KAZN: variants seen among roughly 807,000 people sequenced by gnomAD.
The protein encoded by KAZN is kazrin.
KAZN carries 40 observed loss-of-function variants against 87.4 expected under a neutral mutation model. The observed-to-expected ratio is 0.46, with a 90% CI of 0.36 to 0.60. The LOEUF (loss-of-function observed/expected upper bound fraction) is 0.60, where lower values mean the gene tolerates loss of function less well. KAZN is among the 20% of genes least tolerant of loss of function. The pLI, the probability that KAZN is intolerant of heterozygous loss-of-function variation, is 0.00. For missense variants in KAZN, 898 were observed against 1,073.9 expected (o/e 0.84, Z 2.29); for synonymous variants, 466 against 458.3 (o/e 1.02, Z -0.22).
intron 1 of KAZN, among the ~76,000 whole-genome samples, chr1:14,734,390 G>A (rs146612226): frequency 2.7e-3 from 393 of 147,576 alleles, no homozygotes; most frequent in African/African-American, 9.0e-3. Flanking sequence ...TGCAACCTCC[G>A]CTTCCCGGGT....
Position 13,995,219 on chromosome 1 carries a change from C to CAAAAAAAAAAAAAAA in KAZN, c.91+101465_91+101479dup, listed in dbSNP as rs113600200. Among the ~76,000 whole-genome samples the CAAAAAAAAAAAAAAA allele has an allele frequency of 7.4e-3, 795 of 106,880 alleles. 16 individuals are homozygous for CAAAAAAAAAAAAAAA. Among genetic ancestry groups the CAAAAAAAAAAAAAAA allele is most frequent in the Middle Eastern group, 0.018 (3 of 166 alleles). The allele number at this position is 106,880 out of a possible 152,430, so 70.1% of individuals were successfully genotyped here. A position where few individuals can be genotyped will look rare whatever the true frequency, so the allele number is the denominator to read the frequency against. On this transcript the variant is annotated intron_variant, in intron 1 of 16. Transcript: ENST00000636203. ...GGAAGTCTTAGACAGTGCAATAAGG[C>CAAAAAAAAAAAAAAA]AAAAAAAAAAAAAAAATCCTAATGA...
Position 14,069,340 on chromosome 1 carries a change from A to T in KAZN, c.92-111095A>T, listed in dbSNP as rs537663650. ...TCCACGTGAAAAGTGCTCATTCTGGAATGACACCTTCTACACAACCGCGAT... is the reference window on the plus strand; with the variant it reads ...TCCACGTGAAAAGTGCTCATTCTGGTATGACACCTTCTACACAACCGCGAT... On this transcript the variant is annotated intron_variant, in intron 1 of 16. Coordinates refer to the KAZN transcript ENST00000636203. 3.0e-4 allele frequency among the ~76,000 whole-genome samples: 45 copies of T among 152,286 alleles called. No homozygotes were observed. The South Asian group carries it at 3.7e-3, about 13-fold the overall frequency.
At chr1:14,781,693 CG>C (rs1444970364) in intron 1 of KAZN, among the ~76,000 whole-genome samples, 1 of 151,948 alleles carries the variant, frequency 6.6e-6, no homozygotes, top group Non-Finnish European at 1.5e-5. Context: ...ATCAAGAGGC[CG>C]GGGGCAGTGG....
At chr1:14,427,743 C>T (rs1014390646) in intron 2 of KAZN, among the ~76,000 whole-genome samples, 1 of 152,132 alleles carries the variant, frequency 6.6e-6, no homozygotes, top group Non-Finnish European at 1.5e-5. Context: ...TTGCCGCCCA[C>T]CAAGCAAGTC....
chr1:14,528,748 C>CAAAAA (rs36033087), intron 2 of KAZN, among the ~76,000 whole-genome samples: 3 of 66,952 alleles, frequency 4.5e-5, no homozygotes, highest in Admixed American at 1.8e-4. Flanking sequence ...GACCCTGTCT[C>CAAAAA]AAAAAAAAAA....
At chr1:14,896,260 G>A (rs1018646621) in intron 1 of KAZN, among the ~76,000 whole-genome samples, 1 of 152,058 alleles carries the variant, frequency 6.6e-6, no homozygotes, top group African/African-American at 2.4e-5. Flanking sequence ...TCACCATGTT[G>A]GCCAGGATGG....
chr1:14,696,513 A>T (rs1641611563), intron 1 of KAZN, among the ~76,000 whole-genome samples: 1 of 152,206 alleles, frequency 6.6e-6, no homozygotes, highest in African/African-American at 2.4e-5. Context: ...GGGCAGGAAG[A>T]AGCCAGGAAA....
intron 1 of KAZN, among the ~76,000 whole-genome samples, chr1:14,699,120 C>G (rs556141294): frequency 6.6e-6 from 1 of 152,120 alleles, no homozygotes; most frequent in African/African-American, 2.4e-5. Flanking sequence ...AACACAAACC[C>G]CCAGGGAAGT....
intron 2 of KAZN, among the ~76,000 whole-genome samples, chr1:14,971,381 G>C (rs1024888847): frequency 3.9e-5 from 6 of 152,206 alleles, no homozygotes; most frequent in Non-Finnish European, 8.8e-5. Context: ...CTGGGCGACA[G>C]AGCGAGACTG....
At chr1:14,071,745 C>T (rs1455776396) in intron 1 of KAZN, among the ~76,000 whole-genome samples, 2 of 152,204 alleles carry the variant, frequency 1.3e-5, no homozygotes, top group Non-Finnish European at 2.9e-5. Flanking sequence ...TAGCACATGT[C>T]AGGCAGCCTT....
intron 1 of KAZN, among the ~76,000 whole-genome samples, chr1:14,024,079 T>C (rs1640966409): frequency 6.6e-6 from 1 of 152,172 alleles, no homozygotes; most frequent in Non-Finnish European, 1.5e-5. Context: ...TTAGGGATCG[T>C]GTGACAAGGA....
intron 2 of KAZN, among the ~76,000 whole-genome samples, chr1:14,392,689 G>A (rs186160369): frequency 1.3e-5 from 2 of 152,160 alleles, no homozygotes; most frequent in East Asian, 3.9e-4. Context: ...GCACACCTCG[G>A]TCATGACAAT....
At chr1:14,110,760 A>G (rs1033912408) in intron 1 of KAZN, among the ~76,000 whole-genome samples, 2 of 133,736 alleles carry the variant, frequency 1.5e-5, no homozygotes, top group Non-Finnish European at 3.2e-5. Context: ...AATACACCCT[A>G]GGTTTCAGGC....
intron 1 of KAZN, among the ~76,000 whole-genome samples, chr1:14,846,153 G>A (rs982091250): frequency 2.6e-5 from 4 of 152,208 alleles, no homozygotes; most frequent in African/African-American, 9.7e-5. Context: ...GGGGAGGAAA[G>A]TTCTATAGCG....
Position 14,514,530 on chromosome 1 carries a change from G to GAAAT in KAZN, c.250-84452_250-84451insAATA, listed in dbSNP as rs1377606104. 4.7e-4 allele frequency among the ~76,000 whole-genome samples: 10 copies of GAAAT among 21,484 alleles called. 1 individual carries two copies. Among genetic ancestry groups the GAAAT allele is most frequent in the African/African-American group, 1.6e-3 (10 of 6,072 alleles). The allele number at this position is 21,484 out of a possible 152,430, so 14.1% of individuals were successfully genotyped here. ...TATAATATATGAAATATATATTTTA[G>GAAAT]ATATATTTTATATATAATATATGAA... On this transcript the variant is annotated intron_variant, in intron 2 of 16. Transcript: ENST00000636203.
intron 8 of KAZN, among the ~76,000 whole-genome samples, chr1:15,070,479 G>A (rs1312157537): frequency 6.6e-6 from 1 of 152,154 alleles, no homozygotes; most frequent in Non-Finnish European, 1.5e-5. Flanking sequence ...ATCCTGAGGG[G>A]TAGTGCAGCC....
intron 1 of KAZN, among the ~76,000 whole-genome samples, chr1:14,851,423 G>A (rs1488998250): frequency 6.6e-6 from 1 of 152,224 alleles, no homozygotes; most frequent in Non-Finnish European, 1.5e-5. Context: ...GATAGCCCCT[G>A]GAGCAGAATC....
intron 2 of KAZN, among the ~76,000 whole-genome samples, chr1:14,264,623 C>T (rs375536195): frequency 2.4e-4 from 36 of 152,196 alleles, no homozygotes; most frequent in African/African-American, 6.8e-4. Flanking sequence ...CAAGAAGGTC[C>T]TTACAAGATG....
At chr1:14,039,070 C>CGG (rs1000807192) in intron 1 of KAZN, among the ~76,000 whole-genome samples, 16 of 151,004 alleles carry the variant, frequency 1.1e-4, no homozygotes, top group African/African-American at 3.7e-4. Flanking sequence ...ACTCGGGAGG[C>CGG]TAAGGCAAGA....
Sources: gnomAD v4.1 joint callset for allele counts (sites outside exome capture counted in the v4.1 genomes callset) on GRCh38, gnomAD v4.1.1 for gene constraint, MANE v1.5 for transcripts, NCBI Gene and HGNC (gene_info 2026-07-23, HGNC 2026-07-21) for gene names.